UBE2D3: variants seen among roughly 807,000 people sequenced by gnomAD.
UBE2D3 encodes ubiquitin-conjugating enzyme E2 D3.
UBE2D3 carries 2 observed loss-of-function variants against 22.8 expected under a neutral mutation model. The observed-to-expected ratio is 0.09, with a 90% CI of 0.04 to 0.28. The LOEUF (loss-of-function observed/expected upper bound fraction) is 0.28. UBE2D3 is among the 10% of genes least tolerant of loss of function. The pLI is 1.00. For synonymous variants in UBE2D3, 56 were observed against 60.4 expected (o/e 0.93, Z 0.34); for missense variants, 27 against 182.5 (o/e 0.15, Z 4.91).
At chr4:102,859,215 G>T (rs957228355) in intron 1 of UBE2D3, among the ~76,000 whole-genome samples, 3 of 151,830 alleles carry the variant, frequency 2.0e-5, no homozygotes, top group African/African-American at 2.4e-5. Context: ...TTTTCTTTCA[G>T]TATTTTGAGT....
chr4:102,834,685 G>A (rs937461816), intron 1 of UBE2D3, among the ~76,000 whole-genome samples: 1 of 151,892 alleles, frequency 6.6e-6, no homozygotes, highest in Non-Finnish European at 1.5e-5. Flanking sequence ...GGAGGTCAAG[G>A]CTGCAGTGAG....
chr4:102,858,077 AATTT>A (rs769634325), intron 1 of UBE2D3, among the ~76,000 whole-genome samples: 14 of 152,152 alleles, frequency 9.2e-5, no homozygotes, highest in Middle Eastern at 3.4e-3. Context: ...TTCCAATAAA[AATTT>A]ATTTATAAAA....
At chr4:102,799,832 TG>T (rs36031423) in intron 6 of UBE2D3, among the ~76,000 whole-genome samples, 52,068 of 117,612 alleles carry the variant, frequency 0.44, 11,193 homozygotes, top group African/African-American at 0.53. Flanking sequence ...ACTCAGTGGC[TG>T]GGGGGGGGGG....
At chr4:102,863,046 CTTTGTTTTTT>C (rs1426336799) in intron 1 of UBE2D3, among the ~76,000 whole-genome samples, 2 of 151,404 alleles carry the variant, frequency 1.3e-5, no homozygotes, top group African/African-American at 4.9e-5. Flanking sequence ...CTTTGTTTTT[CTTTGTTTTTT>C]TTTTCTTTTT....
rs547443791 is a variant in UBE2D3, at chr4:102,848,455, G to A, written c.-129+20260C>T. On this transcript the variant is annotated intron_variant, in intron 1 of 7. Transcript: ENST00000338145. ...AGGTCAGGAGTTCAAGACCAGCCTCGCCAACGTGGTGAAACTCTATCTCTA... is the reference window on the plus strand; with the variant it reads ...AGGTCAGGAGTTCAAGACCAGCCTCACCAACGTGGTGAAACTCTATCTCTA... 5.8e-4 allele frequency among the ~76,000 whole-genome samples: 88 copies of A among 152,224 alleles called. 2 individuals carry two copies. In the South Asian group the frequency reaches 0.018, roughly 31 times the overall value.
chr4:102,825,403 G>C, intron 2 of UBE2D3: 2 of 1,042,150 alleles, frequency 1.9e-6, no homozygotes, highest in Non-Finnish European at 2.3e-6. Context: ...ATTTAGGTAA[G>C]TTTTGAGCAG....
intron 2 of UBE2D3, among the ~76,000 whole-genome samples, chr4:102,819,014 G>A (rs1729164048): frequency 6.6e-6 from 1 of 152,158 alleles, no homozygotes; most frequent in African/African-American, 2.4e-5. Context: ...AGACCTGAAA[G>A]GATGCTAGGA....
At chr4:102,856,925 T>C (rs1206726574) in intron 1 of UBE2D3, among the ~76,000 whole-genome samples, 1 of 152,156 alleles carries the variant, frequency 6.6e-6, no homozygotes, top group Non-Finnish European at 1.5e-5. Context: ...AGGTGGAGCA[T>C]AGGGCACTTA....
chr4:102,829,299 C>T (rs1730977790), upstream of UBE2D3, among the ~76,000 whole-genome samples: 1 of 152,206 alleles, frequency 6.6e-6, no homozygotes. Flanking sequence ...CCTAACTGCT[C>T]ATGAGGCTCA....
intron 4 of UBE2D3, 94 bp downstream of exon 4, chr4:102,809,577 AT>A: frequency 8.1e-7 from 1 of 1,240,512 alleles, no homozygotes; most frequent in Non-Finnish European, 1.1e-6. Context: ...AATTAACTAT[AT>A]GATAAAATAA....
chr4:102,820,410 C>T (rs1305466423), intron 2 of UBE2D3, among the ~76,000 whole-genome samples: 3 of 152,158 alleles, frequency 2.0e-5, no homozygotes, highest in African/African-American at 4.8e-5. Context: ...TTTGAAATTT[C>T]TTCTGAGAAA....
chr4:102,842,472 AT>A (rs1731809097), intron 1 of UBE2D3, among the ~76,000 whole-genome samples: 1 of 151,680 alleles, frequency 6.6e-6, no homozygotes, highest in Admixed American at 6.6e-5. Context: ...AGGAGAATCA[AT>A]TGAGGCCAGG....
intron 4 of UBE2D3, among the ~76,000 whole-genome samples, chr4:102,805,495 CTTTTT>C (rs5860731): frequency 7.1e-6 from 1 of 140,642 alleles, no homozygotes; most frequent in Admixed American, 7.2e-5. Flanking sequence ...CGTTGGTATT[CTTTTT>C]TTTTTTTTTT....
upstream of UBE2D3, chr4:102,827,748 AGATCG>A (rs1450355357): frequency 1.0e-6 from 1 of 985,678 alleles, no homozygotes; most frequent in Non-Finnish European, 1.2e-6. Flanking sequence ...CTTACTAAAC[AGATCG>A]GAGATTGGAC....
At chr4:102,824,089 T>C (rs223394) in intron 2 of UBE2D3, among the ~76,000 whole-genome samples, 149,598 of 152,322 alleles carry the variant, frequency 0.98, 73,479 homozygotes, top group East Asian at 1. Context: ...TCATGTGATT[T>C]TAACATTAAC....
At chr4:102,826,908 A>T in intron 1 of UBE2D3, 2 of 1,021,592 alleles carry the variant, frequency 2.0e-6, no homozygotes, top group Non-Finnish European at 2.3e-6. Flanking sequence ...GGTGCGGGGC[A>T]GGGTCCGGAG....
At chr4:102,822,377 T>C (rs1729754389) in intron 2 of UBE2D3, among the ~76,000 whole-genome samples, 1 of 152,210 alleles carries the variant, frequency 6.6e-6, no homozygotes, top group Non-Finnish European at 1.5e-5. Flanking sequence ...GCCTATATAC[T>C]AGTTGGGGAC....
chr4:102,798,223 T>C (rs1725505888), intron 7 of UBE2D3, among the ~76,000 whole-genome samples: 1 of 137,206 alleles, frequency 7.3e-6, no homozygotes, highest in South Asian at 2.3e-4. Context: ...CCCTGGATTA[T>C]ACTCATGCCA....
chr4:102,866,663 A>G (rs1286925963), intron 1 of UBE2D3, among the ~76,000 whole-genome samples: 2 of 152,366 alleles, frequency 1.3e-5, no homozygotes, highest in Middle Eastern at 3.4e-3. Context: ...CAGAGAATGT[A>G]AAGTTGCTTT....
Sources: gnomAD v4.1 joint callset for allele counts (sites outside exome capture counted in the v4.1 genomes callset) on GRCh38, gnomAD v4.1.1 for gene constraint, MANE v1.5 for transcripts, NCBI Gene and HGNC (gene_info 2026-07-23, HGNC 2026-07-21) for gene names.